The following PDSS1 variants were observed in gnomAD, a reference collection of about 807,000 sequenced individuals.
The protein encoded by PDSS1 is all trans-polyprenyl-diphosphate synthase PDSS1.
A neutral mutation model predicts 57.5 loss-of-function variants in PDSS1; 43 were observed. The observed-to-expected ratio is 0.75, with a 90% CI of 0.59 to 0.96. PDSS1 has a LOEUF of 0.96. Ranked by LOEUF, PDSS1 falls within the 50% of genes least tolerant of loss-of-function variation. PDSS1 has a pLI of 0.00. For synonymous variants in PDSS1, 175 were observed against 191.3 expected (o/e 0.91, Z 0.70); for missense variants, 438 against 527.8 (o/e 0.83, Z 1.67).
intron 5 of PDSS1, among the ~76,000 whole-genome samples, chr10:26,713,689 A>G (rs1206147359): frequency 1.3e-5 from 2 of 152,212 alleles, no homozygotes; most frequent in African/African-American, 4.8e-5. Context: ...GGGTAGAGAA[A>G]GTAGGAATCC....
At chr10:26,726,688 T>C (rs968548070) in intron 8 of PDSS1, among the ~76,000 whole-genome samples, 3 of 152,140 alleles carry the variant, frequency 2.0e-5, no homozygotes, top group African/African-American at 7.2e-5. Context: ...TCTCCCTTCC[T>C]TTTTTTAGTG....
chr10:26,746,283 T>C, intron 11 of PDSS1, 50 bp from the exon 12 acceptor site: 1 of 1,598,902 alleles, frequency 6.3e-7, no homozygotes, highest in Non-Finnish European at 8.6e-7. Flanking sequence ...GTTAAAACGC[T>C]GATTCAGTCA....
intron 11 of PDSS1, among the ~76,000 whole-genome samples, chr10:26,745,360 C>CT (rs1564440384): frequency 6.6e-6 from 1 of 152,032 alleles, no homozygotes; most frequent in Non-Finnish European, 1.5e-5. Context: ...TATCTATAGT[C>CT]TAACAAACAG....
At chr10:26,721,385 C>T (rs1204017007) in intron 6 of PDSS1, among the ~76,000 whole-genome samples, 1 of 150,602 alleles carries the variant, frequency 6.6e-6, no homozygotes, top group African/African-American at 2.4e-5. Context: ...TGGTTCATTC[C>T]TATTTAATTC....
chr10:26,726,578 G>A (rs1263199700), intron 8 of PDSS1, among the ~76,000 whole-genome samples: 1 of 152,174 alleles, frequency 6.6e-6, no homozygotes, highest in Non-Finnish European at 1.5e-5. Flanking sequence ...AACTGAAAGA[G>A]CAGAATTATT....
intron 1 of PDSS1, chr10:26,701,909 A>G (rs1380499914): frequency 2.2e-6 from 1 of 449,548 alleles, no homozygotes; most frequent in Admixed American, 2.4e-5. Flanking sequence ...GAACCCTGCA[A>G]AGCCACAGAG....
chr10:26,718,536 G>A (rs1039251790), intron 5 of PDSS1, among the ~76,000 whole-genome samples: 7 of 152,046 alleles, frequency 4.6e-5, no homozygotes, highest in Non-Finnish European at 8.8e-5. Flanking sequence ...TGAGGTGGGT[G>A]GATCACCTGA....
chr10:26,698,309 GA>G (rs2132198119), intron 1 of PDSS1, among the ~76,000 whole-genome samples: 1 of 152,228 alleles, frequency 6.6e-6, no homozygotes, highest in South Asian at 2.1e-4. Context: ...GGAATAGTCC[GA>G]AAAGGTCTTG....
Position 26,735,692 on chromosome 10 carries a change from A to T in PDSS1, c.1026+113A>T, listed in dbSNP as rs1836372327. ...AAGGAATAGATGGGAAGGCATTCAG[A>T]TAAGAGATCACAGGTCTGCATTTGA... On this transcript the variant is annotated intron_variant, in intron 10 of 11. Transcript: ENST00000376215. 4.1e-6 allele frequency: 3 copies of T among 728,236 alleles called. No homozygotes were observed. The East Asian group carries it at 8.0e-5, about 19-fold the overall frequency. The allele number at this position is 728,236 out of a possible 1,614,324, so 45.1% of individuals were successfully genotyped here.
At chr10:26,720,854 G>A (rs889629438) in intron 6 of PDSS1, among the ~76,000 whole-genome samples, 4 of 152,188 alleles carry the variant, frequency 2.6e-5, no homozygotes, top group African/African-American at 9.7e-5. Context: ...ATATATTAAA[G>A]CATATTTCTA....
chr10:26,726,262 T>A (rs2927922), intron 8 of PDSS1, among the ~76,000 whole-genome samples: 53,106 of 152,048 alleles, frequency 0.35, 9,570 homozygotes, highest in East Asian at 0.43. Flanking sequence ...TGGACCCTTA[T>A]TAAAAATGAA....
At chr10:26,701,383 A>G (rs1027396092) in intron 1 of PDSS1, among the ~76,000 whole-genome samples, 1 of 152,198 alleles carries the variant, frequency 6.6e-6, no homozygotes, top group Non-Finnish European at 1.5e-5. Flanking sequence ...CCCTCCCATC[A>G]CAGGCCAGGA....
intron 5 of PDSS1, among the ~76,000 whole-genome samples, chr10:26,717,479 G>A (rs12242781): frequency 0.021 from 3,146 of 152,328 alleles, 107 homozygotes; most frequent in African/African-American, 0.071. Context: ...TGATCCTCCC[G>A]CCTCGGCGTC....
At chr10:26,702,822 C>T (rs1835090804) in intron 2 of PDSS1, among the ~76,000 whole-genome samples, 1 of 151,992 alleles carries the variant, frequency 6.6e-6, no homozygotes, top group Non-Finnish European at 1.5e-5. Flanking sequence ...TGCACTCCAG[C>T]CTGGAAAAAT....
chr10:26,741,341 G>A (rs184885401), intron 10 of PDSS1, among the ~76,000 whole-genome samples: 92 of 152,150 alleles, frequency 6.0e-4, no homozygotes, highest in African/African-American at 1.8e-3. Flanking sequence ...AAAATTAGCC[G>A]GGTGTGGTGG....
intron 9 of PDSS1, 34 bp downstream of exon 9, chr10:26,735,354 G>T: frequency 6.8e-7 from 1 of 1,470,110 alleles, no homozygotes; most frequent in Non-Finnish European, 9.5e-7. Flanking sequence ...GAATGGTGGC[G>T]TAGTGATACA....
chr10:26,719,283 G>T (rs1835703087), intron 5 of PDSS1, among the ~76,000 whole-genome samples: 1 of 152,162 alleles, frequency 6.6e-6, no homozygotes, highest in Non-Finnish European at 1.5e-5. Context: ...AAAATGAAAT[G>T]GGGGACATTC....
At chr10:26,740,679 A>T (rs1405994830) in intron 10 of PDSS1, 1 of 456,732 alleles carries the variant, frequency 2.2e-6, no homozygotes, top group Admixed American at 2.3e-5. Context: ...AGCTGCTGTA[A>T]GCACTGACGT....
intron 2 of PDSS1, 71 bp downstream of exon 2, chr10:26,702,265 G>C: frequency 2.5e-6 from 1 of 393,536 alleles, no homozygotes; most frequent in Non-Finnish European, 5.0e-6. Flanking sequence ...TGTTCGGAAG[G>C]AATGATTGGT....
Sources: allele counts gnomAD v4.1 joint callset (sites outside exome capture counted in the v4.1 genomes callset), GRCh38; gene constraint gnomAD v4.1.1; transcripts MANE v1.5; gene names NCBI Gene and HGNC (gene_info 2026-07-23, HGNC 2026-07-21).